Variants in GHR observed in about 807,000 individuals in gnomAD.
GHR encodes growth hormone receptor.
GHR carries 35 observed loss-of-function variants against 67.1 expected under a neutral mutation model. The ratio of observed to expected loss-of-function variants is 0.52; its 90% CI spans 0.40 to 0.69. GHR has a LOEUF of 0.69. Ranked by LOEUF, GHR falls within the 30% of genes least tolerant of loss-of-function variation. GHR has a pLI of 0.00. For synonymous variants in GHR, 272 were observed against 269.1 expected (o/e 1.01, Z -0.10); for missense variants, 792 against 764.6 (o/e 1.04, Z -0.42).
intron 1 of GHR, among the ~76,000 whole-genome samples, chr5:42,439,399 C>T (rs1743470614): frequency 6.6e-6 from 1 of 152,180 alleles, no homozygotes; most frequent in Non-Finnish European, 1.5e-5. Flanking sequence ...AATGATTTTA[C>T]TCAGCTTTTC....
chr5:42,671,335 A>G (rs1362358923), intron 3 of GHR, among the ~76,000 whole-genome samples: 1 of 152,030 alleles, frequency 6.6e-6, no homozygotes, highest in Non-Finnish European at 1.5e-5. Flanking sequence ...TTAAACAATC[A>G]GGTCTCACAA....
At chr5:42,641,361 G>A (rs1754468578) in intron 3 of GHR, among the ~76,000 whole-genome samples, 1 of 152,100 alleles carries the variant, frequency 6.6e-6, no homozygotes, top group Non-Finnish European at 1.5e-5. Context: ...ATATATGTAC[G>A]AGCCCCTAGA....
intron 2 of GHR, among the ~76,000 whole-genome samples, chr5:42,611,348 T>C (rs1205316929): frequency 6.6e-6 from 1 of 152,168 alleles, no homozygotes; most frequent in Non-Finnish European, 1.5e-5. Flanking sequence ...CCAACCACTT[T>C]TTCCAACCTT....
intron 1 of GHR, among the ~76,000 whole-genome samples, chr5:42,560,132 T>G (rs1749521924): frequency 6.6e-6 from 1 of 152,204 alleles, no homozygotes; most frequent in Non-Finnish European, 1.5e-5. Flanking sequence ...AGGTGGTGAT[T>G]TGTTTTGTTT....
intron 3 of GHR, among the ~76,000 whole-genome samples, chr5:42,649,533 G>A (rs931326907): frequency 3.9e-5 from 6 of 152,176 alleles, no homozygotes; most frequent in African/African-American, 1.2e-4. Context: ...CAAGTCACTT[G>A]ATACTTGCAA....
intron 1 of GHR, among the ~76,000 whole-genome samples, chr5:42,549,228 A>G (rs1341414205): frequency 2.6e-5 from 4 of 152,148 alleles, no homozygotes; most frequent in Non-Finnish European, 5.9e-5. Flanking sequence ...GGGAACCACC[A>G]CTTATTCTAT....
intron 1 of GHR, among the ~76,000 whole-genome samples, chr5:42,517,295 T>A (rs541288224): frequency 6.6e-6 from 1 of 152,298 alleles, no homozygotes; most frequent in South Asian, 2.1e-4. Flanking sequence ...TGAACTGAGC[T>A]TTATCAAAAC....
chr5:42,720,907 A>G lies in GHR; in HGVS notation c.*1483A>G, dbSNP rs1394880888. 1 of 121,928 alleles carries G rather than the reference A, an allele frequency of 8.2e-6. No homozygotes were observed. Among genetic ancestry groups the G allele is most frequent in the Non-Finnish European group, 1.8e-5 (1 of 56,422 alleles). 7.6% of individuals were successfully genotyped at this position (121,928 alleles called of 1,614,324 possible). ...TCATTTTGCAATCCCTTAATATCCT[A>G]AACATCATTCATTTTTGTTGTTGTT... On this transcript the variant is annotated 3_prime_UTR_variant, in exon 10 of 10. Coordinates refer to ENST00000230882, the MANE Select transcript of GHR (RefSeq NM_000163.5).
intron 2 of GHR, among the ~76,000 whole-genome samples, chr5:42,580,736 GGCATTTAACA>G (rs1160099403): frequency 1.3e-5 from 2 of 152,130 alleles, no homozygotes; most frequent in African/African-American, 4.8e-5. Context: ...TCAATCGGTT[GGCATTTAACA>G]GCAAGTGTTT....
At chr5:42,634,782 G>A (rs562947487) in intron 3 of GHR, among the ~76,000 whole-genome samples, 52 of 152,172 alleles carry the variant, frequency 3.4e-4, no homozygotes, top group East Asian at 2.1e-3. Context: ...CTTGGATAAC[G>A]TTGCAGGACA....
chr5:42,481,196 A>C (rs1367473769), intron 1 of GHR, among the ~76,000 whole-genome samples: 1 of 152,128 alleles, frequency 6.6e-6, no homozygotes, highest in Non-Finnish European at 1.5e-5. Flanking sequence ...TCTTTTCTTT[A>C]AGAATGTTGA....
chr5:42,532,980 A>G (rs1460201167), intron 1 of GHR, among the ~76,000 whole-genome samples: 2 of 152,154 alleles, frequency 1.3e-5, no homozygotes, highest in East Asian at 3.8e-4. Flanking sequence ...GTCTTAGGAT[A>G]TGTACAATTG....
chr5:42,622,745 C>A (rs1753512520), intron 2 of GHR, among the ~76,000 whole-genome samples: 1 of 152,136 alleles, frequency 6.6e-6, no homozygotes. Context: ...ATGATTCTTG[C>A]CAGAACATTG....
intron 3 of GHR, among the ~76,000 whole-genome samples, chr5:42,674,912 G>C (rs1451953138): frequency 1.3e-5 from 2 of 152,116 alleles, no homozygotes; most frequent in Non-Finnish European, 2.9e-5. Flanking sequence ...TTAACATTTT[G>C]AGGAACCCCC....
At chr5:42,625,120 AG>A (rs1753636550) in intron 2 of GHR, among the ~76,000 whole-genome samples, 1 of 152,144 alleles carries the variant, frequency 6.6e-6, no homozygotes, top group East Asian at 1.9e-4. Context: ...GCTAACTGGG[AG>A]GAGTTACTGA....
rs777099400 is a variant in GHR at position 42,718,448 on chromosome 5, T to C, written c.946-5T>C. 25 of 1,600,056 alleles carry C rather than the reference T, an allele frequency of 1.6e-5. No homozygotes were observed. The South Asian group carries it at 2.6e-4, about 17-fold the overall frequency. The stretch of plus-strand genomic sequence containing the variant: ...ATAGATCTTCATTTTCTTTCTATTT[T>C]CTAGGAAGGAAAATTAGAGGAGGTG... On this transcript the variant is annotated splice_region_variant and splice_polypyrimidine_tract_variant and intron_variant, in intron 9 of 9. Coordinates refer to ENST00000230882, the MANE Select transcript of GHR (RefSeq NM_000163.5).
intron 2 of GHR, among the ~76,000 whole-genome samples, chr5:42,573,762 G>C (rs543205482): frequency 6.6e-6 from 1 of 152,188 alleles, no homozygotes; most frequent in African/African-American, 2.4e-5. Context: ...TTTCCAATGA[G>C]AGCACATGAA....
At chr5:42,539,835 T>C (rs1454695171) in intron 1 of GHR, among the ~76,000 whole-genome samples, 1 of 152,210 alleles carries the variant, frequency 6.6e-6, no homozygotes, top group African/African-American at 2.4e-5. Flanking sequence ...AAATATTATA[T>C]GTTTATACTA....
intron 2 of GHR, among the ~76,000 whole-genome samples, chr5:42,590,149 T>C (rs761944752): frequency 6.6e-6 from 1 of 152,236 alleles, no homozygotes; most frequent in African/African-American, 2.4e-5. Context: ...AAGTAATTGC[T>C]CTTTACTCTC....
Sources: gnomAD v4.1 joint callset for allele counts (sites outside exome capture counted in the v4.1 genomes callset) on GRCh38, gnomAD v4.1.1 for gene constraint, MANE v1.5 for transcripts, NCBI Gene and HGNC (gene_info 2026-07-23, HGNC 2026-07-21) for gene names.